Variants in NRXN1 observed in about 807,000 individuals in gnomAD.
NRXN1 encodes the protein neurexin 1.
NRXN1 carries 39 observed loss-of-function variants against 150.9 expected under a neutral mutation model. That is an observed-to-expected ratio of 0.26 (90% confidence interval 0.20 to 0.34). The LOEUF (loss-of-function observed/expected upper bound fraction) is 0.34. NRXN1 is among the 10% of genes least tolerant of loss of function. The probability of loss-of-function intolerance (pLI) is 1.00; values close to 1 mark genes in which losing one functional copy is unlikely to be tolerated. For missense variants in NRXN1, 1,815 were observed against 1,949.9 expected (o/e 0.93, Z 1.30); for synonymous variants, 924 against 757.0 (o/e 1.22, Z -3.62).
intron 5 of NRXN1, among the ~76,000 whole-genome samples, chr2:50,726,242 G>A (rs1312019901): frequency 2.6e-5 from 4 of 152,188 alleles, no homozygotes; most frequent in Non-Finnish European, 4.4e-5. Flanking sequence ...TGTTTTCAAA[G>A]TGCTTTGATT....
At chr2:50,602,353 A>C (rs1676417846) in intron 8 of NRXN1, among the ~76,000 whole-genome samples, 1 of 152,042 alleles carries the variant, frequency 6.6e-6, no homozygotes, top group African/African-American at 2.4e-5. Context: ...TGGCCTCCCT[A>C]AAAATTCCAC....
intron 5 of NRXN1, among the ~76,000 whole-genome samples, chr2:50,814,589 T>C (rs1371628539): frequency 6.6e-6 from 1 of 152,072 alleles, no homozygotes; most frequent in Non-Finnish European, 1.5e-5. Context: ...ACTCCTTCAT[T>C]CTCATCTGTC....
At chr2:50,401,678 A>AATT (rs1443743907) in intron 17 of NRXN1, among the ~76,000 whole-genome samples, 2 of 152,116 alleles carry the variant, frequency 1.3e-5, no homozygotes, top group Non-Finnish European at 2.9e-5. Context: ...AGGATGGAGC[A>AATT]ATTATTGCAT....
At chr2:49,983,511 C>T (rs1044716692) in intron 21 of NRXN1, among the ~76,000 whole-genome samples, 3 of 151,876 alleles carry the variant, frequency 2.0e-5, no homozygotes, top group African/African-American at 7.3e-5. Context: ...TTTTGTAGGT[C>T]TACATTTTTA....
intron 21 of NRXN1, among the ~76,000 whole-genome samples, chr2:50,005,585 A>G (rs560634376): frequency 3.9e-4 from 59 of 152,280 alleles, no homozygotes; most frequent in African/African-American, 1.4e-3. Context: ...CCTAGAGCAA[A>G]TAACTTCTCA....
At chr2:50,330,546 G>A (rs1212325382) in intron 17 of NRXN1, among the ~76,000 whole-genome samples, 2 of 151,836 alleles carry the variant, frequency 1.3e-5, no homozygotes, top group African/African-American at 4.8e-5. Flanking sequence ...CCCCAACCCA[G>A]AAGTTAGTTT....
intron 18 of NRXN1, among the ~76,000 whole-genome samples, chr2:50,172,908 A>G (rs1286004928): frequency 6.6e-6 from 1 of 152,220 alleles, no homozygotes. Context: ...TGGAGGTTAC[A>G]GTGAGCTGAG....
intron 17 of NRXN1, among the ~76,000 whole-genome samples, chr2:50,412,201 G>A (rs1198607107): frequency 6.6e-6 from 1 of 151,736 alleles, no homozygotes; most frequent in Non-Finnish European, 1.5e-5. Context: ...CTCTGCCTAG[G>A]AAAACCAGAG....
chr2:50,154,700 G>A (rs2058908208), intron 18 of NRXN1, among the ~76,000 whole-genome samples: 1 of 151,528 alleles, frequency 6.6e-6, no homozygotes, highest in African/African-American at 2.4e-5. Flanking sequence ...AATTAATAAA[G>A]CAGAACAAAA....
intron 5 of NRXN1, among the ~76,000 whole-genome samples, chr2:50,875,282 C>A (rs1387111539): frequency 5.3e-5 from 8 of 151,504 alleles, no homozygotes; most frequent in Non-Finnish European, 1.0e-4. Flanking sequence ...GTAAGTATAT[C>A]AAAACACCAT....
intron 21 of NRXN1, among the ~76,000 whole-genome samples, chr2:49,952,687 C>G (rs1385098140): frequency 1.3e-5 from 2 of 152,056 alleles, no homozygotes; most frequent in Non-Finnish European, 2.9e-5. Flanking sequence ...ACACTGCAGG[C>G]TATGCTGGCT....
At chr2:49,923,274 C>T (rs776881785) in intron 22 of NRXN1, among the ~76,000 whole-genome samples, 1 of 152,062 alleles carries the variant, frequency 6.6e-6, no homozygotes, top group Non-Finnish European at 1.5e-5. Flanking sequence ...GAAACTGTAG[C>T]GAGAGAAGAA....
In NRXN1 at chr2:50,470,057, C is replaced by T. The variant is rs1241085473; in HGVS notation, c.3244+2241G>A. On this transcript the variant is annotated intron_variant, in intron 16 of 22. Coordinates refer to ENST00000401669, the MANE Select transcript of NRXN1 (RefSeq NM_001330078.2). ...TGTGTGTTTGCCTCTTATTTTCTAT[C>T]TCATTGGGTATATCTGCCTGCTCTC... Among the ~76,000 whole-genome samples, 5 of 151,626 alleles carry T rather than the reference C, an allele frequency of 3.3e-5. No individual in the cohort carries two copies. In the East Asian group the frequency reaches 9.7e-4, roughly 29 times the overall value.
rs2079090444 is a variant in NRXN1, at chr2:50,360,191, G to C, written c.3364+105251C>G. On this transcript the variant is annotated intron_variant, in intron 17 of 22. Transcript: ENST00000401669. ...GTGTAAAGACCATTGGCACTATGAAGAAACTGCATCAACTAATGGGCAAAG... is the reference window on the plus strand; with the variant it reads ...GTGTAAAGACCATTGGCACTATGAACAAACTGCATCAACTAATGGGCAAAG... Among the ~76,000 whole-genome samples, 3 of 152,174 alleles carry C rather than the reference G, an allele frequency of 2.0e-5. No individual in the cohort carries two copies. In the South Asian group the frequency reaches 6.2e-4, roughly 32 times the overall value.
At chr2:50,240,824 T>C (rs1181085975) in intron 17 of NRXN1, among the ~76,000 whole-genome samples, 2 of 151,724 alleles carry the variant, frequency 1.3e-5, no homozygotes, top group African/African-American at 2.4e-5. Flanking sequence ...GTCCATTTCC[T>C]AGTATGTGAT....
chr2:50,947,990 T>A (rs997553681), intron 2 of NRXN1, among the ~76,000 whole-genome samples: 1 of 151,960 alleles, frequency 6.6e-6, no homozygotes, highest in East Asian at 1.9e-4. Context: ...CATTTGCTTA[T>A]CTCAAAATAC....
At chr2:50,742,120 C>T (rs1007635442) in intron 5 of NRXN1, among the ~76,000 whole-genome samples, 1 of 152,076 alleles carries the variant, frequency 6.6e-6, no homozygotes. Context: ...AATTTTATCA[C>T]TTATTTTGTC....
chr2:50,276,336 A>C (rs980267096), intron 17 of NRXN1, among the ~76,000 whole-genome samples: 3 of 152,224 alleles, frequency 2.0e-5, no homozygotes, highest in Admixed American at 2.0e-4. Context: ...GGAAAGTATG[A>C]GATGAACATG....
chr2:50,925,715 T>A (rs1226186818), intron 3 of NRXN1, among the ~76,000 whole-genome samples: 1 of 151,932 alleles, frequency 6.6e-6, no homozygotes, highest in African/African-American at 2.4e-5. Flanking sequence ...TATGGGATGC[T>A]GAGGTCTAAC....
Sources: gnomAD v4.1 joint callset for allele counts (sites outside exome capture counted in the v4.1 genomes callset) on GRCh38, gnomAD v4.1.1 for gene constraint, MANE v1.5 for transcripts, NCBI Gene and HGNC (gene_info 2026-07-23, HGNC 2026-07-21) for gene names.